MMP2: variants seen among roughly 807,000 people sequenced by gnomAD.
The protein encoded by MMP2 is matrix metallopeptidase 2.
In MMP2, 39 loss-of-function variants were observed where a neutral mutation model predicts 74.8. That is an observed-to-expected ratio of 0.52 (90% CI 0.40 to 0.68). The LOEUF is 0.68. Ranked by LOEUF, MMP2 falls within the 30% of genes least tolerant of loss-of-function variation. MMP2 has a pLI of 0.00. For synonymous variants in MMP2, 367 were observed against 339.8 expected, an observed-to-expected ratio of 1.08 and a Z score of -0.88; for missense variants, 803 against 878.3, an observed-to-expected ratio of 0.91 and a Z score of 1.08.
At chr16:55,499,723 A>T (rs1962618955) in intron 11 of MMP2, among the ~76,000 whole-genome samples, 1 of 152,174 alleles carries the variant, frequency 6.6e-6, no homozygotes, top group Non-Finnish European at 1.5e-5. Context: ...AGATATGTGT[A>T]TTTGCACAAA....
chr16:55,501,511 C>A (rs1258698212), intron 11 of MMP2, among the ~76,000 whole-genome samples: 1 of 152,146 alleles, frequency 6.6e-6, no homozygotes, highest in African/African-American at 2.4e-5. Context: ...AGTGGAGGTG[C>A]CTTGGATGGG....
At chr16:55,496,121 C>T (rs1962522684) in intron 9 of MMP2, among the ~76,000 whole-genome samples, 2 of 152,234 alleles carry the variant, frequency 1.3e-5, no homozygotes, top group South Asian at 4.1e-4. Flanking sequence ...TGTTAAAACA[C>T]AGATTCTGGG....
rs999402695 is a variant in MMP2, at chr16:55,482,099, T to A, written c.154-810T>A. 2.0e-5 allele frequency among the ~76,000 whole-genome samples: 3 copies of A among 152,284 alleles called. No homozygotes were observed. In the South Asian group the frequency reaches 6.2e-4, roughly 32 times the overall value. ...TAGGATTTGAACCTTAGAGACAGAA[T>A]TGTCTATCTTTTTCACCTGTTTTTC... On this transcript the variant is annotated intron_variant, in intron 1 of 12. Transcript: ENST00000219070.
chr16:55,489,141 C>T (rs1372354666), intron 6 of MMP2, among the ~76,000 whole-genome samples: 1 of 152,174 alleles, frequency 6.6e-6, no homozygotes, highest in African/African-American at 2.4e-5. Context: ...CTGTCTCCTT[C>T]CTGCCCTCCT....
In MMP2 at chr16:55,493,145, G is replaced by A. The variant is rs539247098; in HGVS notation, c.1337-13G>A. On this transcript the variant is annotated splice_polypyrimidine_tract_variant and intron_variant, in intron 8 of 12. Transcript: ENST00000219070. ...GGAGCTGCAGAGAGTCTAAGGTCAG[G>A]TGTTCTCCCCAGGGGCCTCTCCTGA... is the stretch of plus-strand genomic sequence containing the variant. 3.7e-5 allele frequency: 60 copies of A among 1,613,172 alleles called. 2 individuals carry two copies. The South Asian group carries it at 4.2e-4, about 11-fold the overall frequency.
In MMP2 at chr16:55,491,954, A is replaced by G; in HGVS notation, c.1334A>G (p.Tyr445Cys). The change falls in exon 8 of 13, where the codon TAT becomes TGT. Residue 445 changes from tyrosine to cysteine, a missense_variant and splice_region_variant. By Grantham distance (194) the Tyr-to-Cys change is radical. Around this residue, in one of 3 missense-constraint regions of MMP2, gnomAD observed 555 missense variants for 592.0 expected, o/e 0.94. Transcript: ENST00000219070. Reference sequence around the variant, plus strand: ...GACATCAAGGGCATTCAGGAGCTCTATGGTAAACCTCCGGGCGGGGGTTGG... The same window carrying G: ...GACATCAAGGGCATTCAGGAGCTCTGTGGTAAACCTCCGGGCGGGGGTTGG... ...QDDIKGIQEL[Y>C]GASPDIDLGT... 6 of 1,306,214 alleles carry G rather than the reference A, an allele frequency of 4.6e-6. No individual in the cohort carries two copies. The highest frequency in any genetic ancestry group is 5.2e-6 in the Non-Finnish European group (5 of 954,128). 80.9% of individuals were successfully genotyped at this position (1,306,214 alleles called of 1,614,324 possible).
chr16:55,489,929 GC>G, intron 7 of MMP2, 105 bp downstream of exon 7: 1 of 1,337,726 alleles, frequency 7.5e-7, no homozygotes, highest in Non-Finnish European at 1.0e-6. Context: ...CATAGACACT[GC>G]CCCCCAGACA....
intron 12 of MMP2, among the ~76,000 whole-genome samples, chr16:55,505,127 T>C (rs557826069): frequency 1.2e-3 from 181 of 152,176 alleles, no homozygotes; most frequent in African/African-American, 4.3e-3. Context: ...AATTTAAATA[T>C]GTTTTTCGTA....
intron 12 of MMP2, among the ~76,000 whole-genome samples, chr16:55,504,304 A>G (rs145443955): frequency 1.9e-3 from 297 of 152,320 alleles, no homozygotes; most frequent in African/African-American, 6.9e-3. Context: ...ACAAAACAAA[A>G]CAAACTTGTG....
chr16:55,485,947 G>C (rs1370230149), intron 5 of MMP2, among the ~76,000 whole-genome samples, 170 bp downstream of exon 5: 1 of 152,120 alleles, frequency 6.6e-6, no homozygotes, highest in Non-Finnish European at 1.5e-5. Flanking sequence ...CTGAGCCATT[G>C]CTGTTTCTCT....
chr16:55,505,348 A>G lies in MMP2; in HGVS notation c.1889A>G (p.Tyr630Cys). Residue 630 changes from tyrosine to cysteine, a missense_variant, in exon 13 of 13, where the codon TAC (tyrosine) becomes TGC (cysteine). This residue lies in a region of MMP2 where 555 missense variants were observed against 592.0 expected (regional missense o/e 0.94). Transcript: ENST00000219070. ...TCTTTCTCTATCCCAGGTCACAGCT[A>G]CTTCTTCAAGGGTGCCTATTACCTG... Reference protein sequence around the residue: ...VVDLQGGGHSYFFKGAYYLKL... With the variant: ...VVDLQGGGHSCFFKGAYYLKL... The G allele has an allele frequency of 6.2e-7, 1 of 1,613,804 alleles. No individual in the cohort carries two copies. Among genetic ancestry groups the G allele is most frequent in the South Asian group, 1.1e-5 (1 of 91,072 alleles).
rs780137926 is a variant in MMP2 at position 55,502,810 on chromosome 16, G to T, written c.1801G>T (p.Gly601Cys). The T allele has an allele frequency of 1.9e-6, 3 of 1,614,028 alleles. No homozygotes were observed. Among genetic ancestry groups the T allele is most frequent in the Non-Finnish European group, 2.5e-6 (3 of 1,179,988 alleles). The stretch of plus-strand genomic sequence containing the variant: ...TGAGGTGAAGAAGAAAATGGATCCT[G>T]GCTTCCCCAAGCTCATCGCAGATGC... ...YNEVKKKMDP[G>C]FPKLIADAWN... Residue 601 changes from glycine to cysteine, a missense_variant, in exon 12 of 13, where the codon GGC becomes TGC. Around this residue, in one of 3 missense-constraint regions of MMP2, gnomAD observed 555 missense variants for 592.0 expected, o/e 0.94. Transcript: ENST00000219070.
At chr16:55,489,930 C>T (rs1349501555) in intron 7 of MMP2, 106 bp downstream of exon 7, 3 of 1,306,106 alleles carry the variant, frequency 2.3e-6, no homozygotes, top group Non-Finnish European at 3.2e-6. Flanking sequence ...ATAGACACTG[C>T]CCCCCAGACA....
chr16:55,495,266 G>A (rs1962504328), intron 9 of MMP2, among the ~76,000 whole-genome samples: 1 of 152,214 alleles, frequency 6.6e-6, no homozygotes, highest in African/African-American at 2.4e-5. Flanking sequence ...CACTAAGAAA[G>A]CCCTGACCAC....
In MMP2 at chr16:55,505,722, G is replaced by T; in HGVS notation, c.*280G>T. 1 of 496,890 alleles carries T rather than the reference G, an allele frequency of 2.0e-6. No individual in the cohort carries two copies. The allele number at this position is 496,890 out of a possible 1,614,324, so 30.8% of individuals were successfully genotyped here. ...GAGATACTTTGATATTTTCAACGCA[G>T]CCCTGCTTTGGGCTGCCCTGGTGCT... On this transcript the variant is annotated 3_prime_UTR_variant, in exon 13 of 13. Coordinates refer to ENST00000219070, the MANE Select transcript of MMP2 (RefSeq NM_004530.6).
Position 55,479,542 on chromosome 16 carries a change from C to T in MMP2, c.63C>T (p.Gly21=), listed in dbSNP as rs772627742. ...CCCTGAGGGCGCTCTGTCTCCTGGGCTGCCTGCTGAGCCACGCCGCCGCCG... is the reference window on the plus strand; with the variant it reads ...CCCTGAGGGCGCTCTGTCTCCTGGGTTGCCTGCTGAGCCACGCCGCCGCCG... ...TGPLRALCLL[G]CLLSHAAAAP... is the part of the protein sequence containing the mutation. Residue 21 remains glycine (G), a synonymous_variant, in exon 1 of 13, where the codon GGC becomes GGT. Coordinates refer to ENST00000219070, the MANE Select transcript of MMP2 (RefSeq NM_004530.6). The T allele has an allele frequency of 1.9e-6, 3 of 1,611,564 alleles. No individual in the cohort carries two copies. The highest frequency in any genetic ancestry group is 2.2e-5 in the East Asian group (1 of 44,796).
intron 6 of MMP2, 77 bp downstream of exon 6, chr16:55,488,793 G>A: frequency 6.9e-7 from 1 of 1,455,940 alleles, no homozygotes; most frequent in Non-Finnish European, 9.3e-7. Flanking sequence ...AAGACTCCGA[G>A]TGCCCACCTC....
Position 55,482,863 on chromosome 16 carries a change from C to A in MMP2, c.154-46C>A, listed in dbSNP as rs749123793. 16 of 1,527,032 alleles carry A rather than the reference C, an allele frequency of 1.0e-5. No homozygotes were observed. The Middle Eastern group carries it at 1.9e-3, about 178-fold the overall frequency. 94.6% of individuals were successfully genotyped at this position (1,527,032 alleles called of 1,614,324 possible). On this transcript the variant is annotated intron_variant, in intron 1 of 12. Coordinates refer to ENST00000219070, the MANE Select transcript of MMP2 (RefSeq NM_004530.6). ...ACAGCCTGCTTTGGTCAGTACTGTGCCATCCTAATGTGGCTAATTGCCTTG... is the reference window on the plus strand; with the variant it reads ...ACAGCCTGCTTTGGTCAGTACTGTGACATCCTAATGTGGCTAATTGCCTTG...
rs545866471 is a variant in MMP2 at position 55,481,721 on chromosome 16, T to G, written c.154-1188T>G. ...GGGCTTAAGAAGATAACTCTGGACT[T>G]AGACCGCTTGGCTTCAAATCAAAGA... On this transcript the variant is annotated intron_variant, in intron 1 of 12. Coordinates refer to ENST00000219070, the MANE Select transcript of MMP2 (RefSeq NM_004530.6). 2.4e-4 allele frequency: 152 copies of G among 640,048 alleles called. No individual in the cohort carries two copies. In the South Asian group the frequency reaches 2.7e-3, roughly 11 times the overall value. The allele number at this position is 640,048 out of a possible 1,614,324, so 39.6% of individuals were successfully genotyped here.
Sources: gnomAD v4.1 joint callset for allele counts (sites outside exome capture counted in the v4.1 genomes callset) on GRCh38, gnomAD v4.1.1 for gene constraint, gnomAD v4.1.1 regional missense constraint, MANE v1.5 for transcripts, NCBI Gene and HGNC (gene_info 2026-07-23, HGNC 2026-07-21) for gene names.